CRYL1: variants seen among roughly 807,000 people sequenced by gnomAD.
The protein encoded by CRYL1 is crystallin lambda 1.
In CRYL1, 29 loss-of-function variants were observed where a neutral mutation model predicts 36.6. The observed-to-expected ratio is 0.79, with a 90% CI of 0.59 to 1.08. The LOEUF (loss-of-function observed/expected upper bound fraction) is 1.08. Ranked by LOEUF, CRYL1 falls within the 50% of genes least tolerant of loss-of-function variation. The pLI is 0.00. For synonymous variants in CRYL1, 152 were observed against 151.5 expected (o/e 1.00, Z -0.02); for missense variants, 411 against 407.9 (o/e 1.01, Z -0.06).
chr13:20,522,406 G>T (rs2034111616), intron 1 of CRYL1, among the ~76,000 whole-genome samples: 1 of 151,520 alleles, frequency 6.6e-6, no homozygotes, highest in Non-Finnish European at 1.5e-5. Flanking sequence ...AAAAAATGAA[G>T]GAGACTGTAG....
chr13:20,489,937 C>T (rs2033477263), intron 2 of CRYL1, among the ~76,000 whole-genome samples: 1 of 152,184 alleles, frequency 6.6e-6, no homozygotes, highest in Non-Finnish European at 1.5e-5. Flanking sequence ...ATGGTACATA[C>T]ACACAACAGA....
In CRYL1 at chr13:20,437,317, T is replaced by TTC. The variant is rs2032244439; in HGVS notation, c.438+2275_438+2276insGA. ...AACAATAAGGAAGATTAATTTTTTT[T>TTC]TTTTTTTTGAGATGGAGTCTCGCTC... is the stretch of plus-strand genomic sequence containing the variant. On this transcript the variant is annotated intron_variant, in intron 4 of 7. Transcript: ENST00000298248. Among the ~76,000 whole-genome samples the TTC allele has an allele frequency of 1.3e-5, 2 of 151,764 alleles. 1 individual carries two copies. Among genetic ancestry groups the TTC allele is most frequent in the African/African-American group, 4.8e-5 (2 of 41,332 alleles).
intron 3 of CRYL1, among the ~76,000 whole-genome samples, chr13:20,460,339 A>G (rs562430845): frequency 6.6e-6 from 1 of 152,308 alleles, no homozygotes; most frequent in East Asian, 1.9e-4. Flanking sequence ...TTACTACAGC[A>G]TAGAAAGCGA....
chr13:20,465,141 A>G (rs931630436), intron 3 of CRYL1, among the ~76,000 whole-genome samples: 3 of 152,238 alleles, frequency 2.0e-5, no homozygotes, highest in African/African-American at 4.8e-5. Context: ...AGGCTGGACA[A>G]TATCTCCAGC....
At chr13:20,443,221 A>C (rs796353185) in intron 3 of CRYL1, among the ~76,000 whole-genome samples, 1 of 152,174 alleles carries the variant, frequency 6.6e-6, no homozygotes, top group Non-Finnish European at 1.5e-5. Context: ...AAGTCTGCTA[A>C]CTGGACCACT....
chr13:20,444,732 T>C (rs1565966241), intron 3 of CRYL1, among the ~76,000 whole-genome samples: 1 of 152,230 alleles, frequency 6.6e-6, no homozygotes. Context: ...ACAAATGTTT[T>C]TGGGGATGGA....
At chr13:20,491,866 A>C (rs1043424349) in intron 2 of CRYL1, among the ~76,000 whole-genome samples, 1 of 152,202 alleles carries the variant, frequency 6.6e-6, no homozygotes, top group Admixed American at 6.5e-5. Flanking sequence ...TGGCCAGTTC[A>C]TCTGGAAGTT....
At chr13:20,464,270 T>C (rs902057600) in intron 3 of CRYL1, among the ~76,000 whole-genome samples, 2 of 152,194 alleles carry the variant, frequency 1.3e-5, no homozygotes, top group African/African-American at 2.4e-5. Context: ...GGCACGTGCC[T>C]GTAGTCCCAG....
rs7983215 is a variant in CRYL1, at chr13:20,432,336, T to C, written c.439-40A>G. 1,525,869 of 1,528,780 alleles carry C rather than the reference T, an allele frequency of 1. 761,533 individuals are homozygous for C. The highest frequency in any genetic ancestry group is 1 in the South Asian group (82,845 of 82,848). The allele number at this position is 1,528,780 out of a possible 1,614,324, so 94.7% of individuals were successfully genotyped here. ...AGAAGTGGGGGAGTCAAGGAGATGA[T>C]CCTGGGTTTGGGGAACTGCACCCAC... On this transcript the variant is annotated intron_variant, in intron 4 of 7. Transcript: ENST00000298248.
intron 3 of CRYL1, among the ~76,000 whole-genome samples, chr13:20,467,041 G>A (rs1006754318): frequency 5.3e-5 from 8 of 151,244 alleles, no homozygotes; most frequent in Non-Finnish European, 7.4e-5. Flanking sequence ...TCTGCCTCCC[G>A]CGTTCACACC....
intron 1 of CRYL1, among the ~76,000 whole-genome samples, chr13:20,515,450 A>G (rs1230075880): frequency 1.3e-5 from 2 of 152,184 alleles, no homozygotes; most frequent in Non-Finnish European, 2.9e-5. Context: ...CCAGTAAATA[A>G]TAATAATTAA....
chr13:20,423,392 T>G (rs1234632600), intron 5 of CRYL1, among the ~76,000 whole-genome samples: 4 of 152,218 alleles, frequency 2.6e-5, no homozygotes, highest in African/African-American at 7.2e-5. Flanking sequence ...GTATATTTGC[T>G]GTGGGTGTGT....
At chr13:20,480,635 A>G (rs1451614542) in intron 3 of CRYL1, among the ~76,000 whole-genome samples, 1 of 152,182 alleles carries the variant, frequency 6.6e-6, no homozygotes, top group African/African-American at 2.4e-5. Flanking sequence ...TGCAGGTCCC[A>G]CGATGTCTGA....
chr13:20,461,027 C>A (rs1003931879), intron 3 of CRYL1, among the ~76,000 whole-genome samples: 1 of 152,122 alleles, frequency 6.6e-6, no homozygotes, highest in Admixed American at 6.5e-5. Context: ...ACTAGGGTAG[C>A]CGCTGTCTCC....
intron 3 of CRYL1, among the ~76,000 whole-genome samples, chr13:20,474,905 C>T (rs1833734063): frequency 6.6e-6 from 1 of 152,124 alleles, no homozygotes; most frequent in South Asian, 2.1e-4. Flanking sequence ...TGATTCAGCT[C>T]CCAAAGTCTC....
chr13:20,414,106 C>T, intron 5 of CRYL1, among the ~76,000 whole-genome samples: 1 of 152,044 alleles, frequency 6.6e-6, no homozygotes, highest in East Asian at 1.9e-4. Context: ...ACCCAGGAGG[C>T]AGAAGTTGCA....
At chr13:20,499,121 T>C (rs946674640) in intron 2 of CRYL1, among the ~76,000 whole-genome samples, 7 of 152,104 alleles carry the variant, frequency 4.6e-5, no homozygotes, top group African/African-American at 1.4e-4. Context: ...GATGGGTAGA[T>C]TGCTTGAGCC....
chr13:20,412,994 G>A (rs2031561106), intron 6 of CRYL1, among the ~76,000 whole-genome samples: 1 of 152,142 alleles, frequency 6.6e-6, no homozygotes, highest in Admixed American at 6.5e-5. Context: ...TGCCAGGCTG[G>A]GTGACATGCT....
chr13:20,489,765 A>G (rs907175050), intron 2 of CRYL1, among the ~76,000 whole-genome samples: 5 of 152,232 alleles, frequency 3.3e-5, no homozygotes, highest in Non-Finnish European at 7.3e-5. Flanking sequence ...ACAGAATTAC[A>G]GTATGATCCA....
Sources: gnomAD v4.1 joint callset for allele counts (sites outside exome capture counted in the v4.1 genomes callset) on GRCh38, gnomAD v4.1.1 for gene constraint, MANE v1.5 for transcripts, NCBI Gene and HGNC (gene_info 2026-07-23, HGNC 2026-07-21) for gene names.